THRB: variants seen among roughly 807,000 people sequenced by gnomAD.
THRB encodes thyroid hormone receptor beta, also known as nuclear receptor subfamily 1 group A member 2.
Under a neutral mutation model 47.8 loss-of-function variants are expected in THRB, and 12 were observed. The observed-to-expected ratio is 0.25, with a 90% confidence interval of 0.16 to 0.41. The LOEUF is 0.41. Among genes scored for constraint, THRB ranks in the 10% least tolerant of loss-of-function variants. The pLI, the probability that THRB is intolerant of heterozygous loss-of-function variation, is 1.00. For synonymous variants in THRB, 218 were observed against 212.2 expected (o/e 1.03, Z -0.24); for missense variants, 348 against 589.2 (o/e 0.59, Z 4.24).
chr3:24,264,563 C>G (rs2052444133), intron 3 of THRB, among the ~76,000 whole-genome samples: 1 of 3,964 alleles, frequency 2.5e-4, no homozygotes, highest in Admixed American at 7.9e-4. Context: ...ATCACTTAGA[C>G]TGTCCTAAGT....
At chr3:24,336,610 C>T (rs1027000046) in intron 2 of THRB, among the ~76,000 whole-genome samples, 9 of 152,068 alleles carry the variant, frequency 5.9e-5, no homozygotes, top group African/African-American at 1.9e-4. Flanking sequence ...GACCACATAC[C>T]TCAGGACTGA....
intron 6 of THRB, among the ~76,000 whole-genome samples, chr3:24,151,330 A>AT (rs1433542438): frequency 2.0e-5 from 3 of 152,298 alleles, no homozygotes; most frequent in East Asian, 3.9e-4. Flanking sequence ...TAACATGTTG[A>AT]TTTGGGGGCT....
chr3:24,203,711 C>G (rs1025869849), intron 4 of THRB, among the ~76,000 whole-genome samples: 1 of 152,182 alleles, frequency 6.6e-6, no homozygotes, highest in Non-Finnish European at 1.5e-5. Context: ...GGCAAGGCAT[C>G]ACCTCACCCG....
chr3:24,187,549 A>AT (rs1375502807), intron 5 of THRB, among the ~76,000 whole-genome samples: 4 of 152,140 alleles, frequency 2.6e-5, no homozygotes, highest in Non-Finnish European at 5.9e-5. Context: ...CCCTGCTGCC[A>AT]TTTTCTTATG....
chr3:24,188,319 A>C (rs1293020229), intron 5 of THRB, among the ~76,000 whole-genome samples: 1 of 152,222 alleles, frequency 6.6e-6, no homozygotes, highest in East Asian at 1.9e-4. Flanking sequence ...GCTTAAATAC[A>C]TCATCTTATT....
chr3:24,320,296 A>G (rs1253321137), intron 2 of THRB, among the ~76,000 whole-genome samples: 1 of 152,300 alleles, frequency 6.6e-6, no homozygotes, highest in Middle Eastern at 3.4e-3. Flanking sequence ...AGAAAAATGT[A>G]TTGTCTGCTC....
At chr3:24,227,442 T>C (rs2047774710) in intron 4 of THRB, among the ~76,000 whole-genome samples, 1 of 152,192 alleles carries the variant, frequency 6.6e-6, no homozygotes, top group African/African-American at 2.4e-5. Flanking sequence ...GGCAGTGGAA[T>C]AGATGTGGGA....
At chr3:24,389,953 T>C (rs1000264582) in intron 1 of THRB, among the ~76,000 whole-genome samples, 1 of 152,098 alleles carries the variant, frequency 6.6e-6, no homozygotes, top group African/African-American at 2.4e-5. Flanking sequence ...GAATAAAAGG[T>C]AGCCAATGAC....
intron 1 of THRB, among the ~76,000 whole-genome samples, chr3:24,414,711 C>T (rs534251736): frequency 1.4e-4 from 21 of 151,766 alleles, no homozygotes; most frequent in Non-Finnish European, 2.7e-4. Context: ...AAATATAAAA[C>T]ATCTCTTCAG....
Position 24,122,797 on chromosome 3 carries a change from CAAAGAAACAAACAAA to C in THRB, c.*72_*86del. ...CCCTCCCAAATAATCCCTCCCAACA[CAAAGAAACAAACAAA>C]AAAGAGCTAGGCAATGGAATGAAAT... On this transcript the variant is annotated 3_prime_UTR_variant, in exon 11 of 11. Coordinates refer to ENST00000646209, the MANE Select transcript of THRB (RefSeq NM_001354712.2). 1.3e-6 allele frequency: 2 copies of C among 1,593,658 alleles called. No homozygotes were observed. Among genetic ancestry groups the C allele is most frequent in the Non-Finnish European group, 1.7e-6 (2 of 1,162,304 alleles).
intron 1 of THRB, among the ~76,000 whole-genome samples, chr3:24,446,689 C>T (rs949603932): frequency 1.3e-5 from 2 of 152,060 alleles, no homozygotes; most frequent in Non-Finnish European, 2.9e-5. Context: ...GAAACCATAT[C>T]ATTTGATCAC....
chr3:24,156,126 A>C (rs28481363), intron 5 of THRB, among the ~76,000 whole-genome samples: 13,724 of 152,264 alleles, frequency 0.09, 1,080 homozygotes, highest in African/African-American at 0.21. Flanking sequence ...TATTATCTTG[A>C]ATATCTTACA....
At chr3:24,461,192 T>C (rs1240299129) in intron 1 of THRB, among the ~76,000 whole-genome samples, 1 of 152,172 alleles carries the variant, frequency 6.6e-6, no homozygotes, top group African/African-American at 2.4e-5. Context: ...GCTACAGTCT[T>C]GGGTTTTGAA....
Position 24,207,793 on chromosome 3 carries a change from C to T in THRB, c.23-17459G>A, listed in dbSNP as rs370695137. Among the ~76,000 whole-genome samples the T allele has an allele frequency of 6.6e-5, 10 of 152,232 alleles. No homozygotes were observed. In the East Asian group the frequency reaches 9.7e-4, roughly 15 times the overall value. ...CCCTTTGAAAACTGGCACAAGACAGCGATGCCCTCTCTCACCACTCCTATT... is the reference window on the plus strand; with the variant it reads ...CCCTTTGAAAACTGGCACAAGACAGTGATGCCCTCTCTCACCACTCCTATT... On this transcript the variant is annotated intron_variant, in intron 4 of 10. Transcript: ENST00000646209.
chr3:24,399,034 C>T (rs2150059355), intron 1 of THRB, among the ~76,000 whole-genome samples: 1 of 151,300 alleles, frequency 6.6e-6, no homozygotes, highest in South Asian at 2.1e-4. Flanking sequence ...ACAATGAGAA[C>T]ACTTGGACAC....
intron 1 of THRB, among the ~76,000 whole-genome samples, chr3:24,374,062 T>G (rs2065107505): frequency 6.6e-6 from 1 of 152,146 alleles, no homozygotes; most frequent in Non-Finnish European, 1.5e-5. Context: ...ATTGCTGAAT[T>G]AAACTCCATT....
At chr3:24,292,133 T>C (rs1367761782) in intron 3 of THRB, among the ~76,000 whole-genome samples, 2 of 152,164 alleles carry the variant, frequency 1.3e-5, no homozygotes, top group African/African-American at 2.4e-5. Flanking sequence ...ATTTAATCTG[T>C]GTTACATACA....
intron 4 of THRB, among the ~76,000 whole-genome samples, chr3:24,221,628 T>C (rs35345342): frequency 0.031 from 4,647 of 152,272 alleles, 102 homozygotes; most frequent in Non-Finnish European, 0.046. Context: ...CTAGGAAGAA[T>C]ACAGGGGTTG....
At chr3:24,249,412 A>G (rs2050431352) in intron 3 of THRB, among the ~76,000 whole-genome samples, 1 of 152,080 alleles carries the variant, frequency 6.6e-6, no homozygotes, top group Admixed American at 6.6e-5. Flanking sequence ...TTTTAAACCA[A>G]CCCTTGTTCT....
Sources: gnomAD v4.1 joint callset for allele counts (sites outside exome capture counted in the v4.1 genomes callset) on GRCh38, gnomAD v4.1.1 for gene constraint, MANE v1.5 for transcripts, NCBI Gene and HGNC (gene_info 2026-07-23, HGNC 2026-07-21) for gene names.